Variants in SLC2A5 observed in about 807,000 individuals in gnomAD.
The protein encoded by SLC2A5 is solute carrier family 2, facilitated glucose transporter member 5.
In SLC2A5, 56 loss-of-function variants were observed where a neutral mutation model predicts 50.3. The ratio of observed to expected loss-of-function variants is 1.11; its 90% CI spans 0.90 to 1.39. The LOEUF (loss-of-function observed/expected upper bound fraction) is 1.39. Among genes scored for constraint, SLC2A5 ranks in the 40% most tolerant of loss-of-function variants. SLC2A5 has a pLI of 0.00. For missense variants in SLC2A5, 566 were observed against 650.1 expected, an observed-to-expected ratio of 0.87 and a Z score of 1.41; for synonymous variants, 269 against 281.9, an observed-to-expected ratio of 0.95 and a Z score of 0.46.
At chr1:9,060,570 A>G (rs981716796) in intron 1 of SLC2A5, among the ~76,000 whole-genome samples, 5 of 130,722 alleles carry the variant, frequency 3.8e-5, no homozygotes, top group Non-Finnish European at 8.1e-5. Flanking sequence ...CACCACACAC[A>G]TACACACCCA....
At chr1:9,082,009 G>A (rs1414996023) in intron 2 of SLC2A5, among the ~76,000 whole-genome samples, 1 of 152,262 alleles carries the variant, frequency 6.6e-6, no homozygotes, top group Admixed American at 6.5e-5. Context: ...TTGAACCCAG[G>A]AGGTGGAGGT....
At chr1:9,082,811 G>A (rs1183836365) in intron 2 of SLC2A5, 2 of 423,668 alleles carry the variant, frequency 4.7e-6, no homozygotes, top group African/African-American at 2.2e-5. Context: ...CCTGGGTTTT[G>A]AATTTGCAGT....
rs548103860 is a variant in SLC2A5, at chr1:9,066,236, G to GT, written c.33+3267dup. ...GGGGAACTTTATTCAACAATCCTTT[G>GT]TTTTTTTTTTGAGACAGAATCTCAC... On this transcript the variant is annotated intron_variant, in intron 1 of 11. Coordinates refer to ENST00000377424, the MANE Select transcript of SLC2A5 (RefSeq NM_003039.3). Among the ~76,000 whole-genome samples the GT allele has an allele frequency of 4.7e-3, 695 of 148,678 alleles. 4 individuals are homozygous for GT. The highest frequency in any genetic ancestry group is 7.7e-3 in the Non-Finnish European group (515 of 66,838).
chr1:9,075,852 G>A (rs946218545), intron 2 of SLC2A5, among the ~76,000 whole-genome samples: 2 of 152,048 alleles, frequency 1.3e-5, no homozygotes, highest in Non-Finnish European at 2.9e-5. Flanking sequence ...GTAGAAACGG[G>A]GTTTCACCAT....
chr1:9,058,135 T>C lies in SLC2A5; in HGVS notation c.132+17A>G, dbSNP rs1232911736. 6.3e-7 allele frequency: 1 copy of C among 1,591,824 alleles called. No individual in the cohort carries two copies. Among genetic ancestry groups the C allele is most frequent in the Admixed American group, 1.7e-5 (1 of 59,992 alleles). ...TCCAAACGTCCTCCCCACATCTTGC[T>C]CACCACAGTGACCTACCAGTGCTGG... On this transcript the variant is annotated intron_variant, in intron 2 of 11. Coordinates refer to ENST00000377424, the MANE Select transcript of SLC2A5 (RefSeq NM_003039.3).
At position 9,037,842 on chromosome 1, in the gene SLC2A5, C is replaced by G. The variant is rs901852998; in HGVS notation, c.1303-53G>C. On this transcript the variant is annotated intron_variant, in intron 11 of 11. Coordinates refer to ENST00000377424, the MANE Select transcript of SLC2A5 (RefSeq NM_003039.3). Reference sequence around the variant, plus strand: ...GTGGGACGTGGTTTGCCCAGGGGCTCGCACTGTACTGCATGGGGATCTGGT... The same window carrying G: ...GTGGGACGTGGTTTGCCCAGGGGCTGGCACTGTACTGCATGGGGATCTGGT... The G allele has an allele frequency of 6.8e-6, 11 of 1,613,696 alleles. No individual in the cohort carries two copies. In the Middle Eastern group the frequency reaches 6.6e-4, roughly 96 times the overall value.
chr1:9,093,214 C>T (rs529999994), upstream of SLC2A5, among the ~76,000 whole-genome samples: 10 of 152,128 alleles, frequency 6.6e-5, no homozygotes, highest in Non-Finnish European at 1.2e-4. Flanking sequence ...CAATCCCCAC[C>T]TCACACCTAA....
At chr1:9,068,430 T>G (rs770040) in intron 1 of SLC2A5, among the ~76,000 whole-genome samples, 90,195 of 148,628 alleles carry the variant, frequency 0.61, 27,689 homozygotes, top group East Asian at 0.88. Flanking sequence ...CCTGGGGGCT[T>G]CTACTTCCCA....
intron 4 of SLC2A5, among the ~76,000 whole-genome samples, chr1:9,043,474 G>C (rs1014608357): frequency 6.6e-6 from 1 of 152,144 alleles, no homozygotes; most frequent in African/African-American, 2.4e-5. Context: ...AGGGCAAAGG[G>C]CTGCAGAGGA....
At chr1:9,053,461 ATT>A (rs1205910965) in intron 3 of SLC2A5, among the ~76,000 whole-genome samples, 2 of 38,416 alleles carry the variant, frequency 5.2e-5, no homozygotes, top group South Asian at 5.4e-4. Flanking sequence ...ATTTATATAT[ATT>A]ATATATATTT....
upstream of SLC2A5, chr1:9,071,954 C>T (rs181452167): frequency 0.013 from 2,086 of 162,672 alleles, 47 homozygotes; most frequent in African/African-American, 0.047. Context: ...GCCCGGGTCC[C>T]CCTCAGCCTC....
intron 1 of SLC2A5, among the ~76,000 whole-genome samples, chr1:9,059,444 G>A (rs1641850703): frequency 1.3e-5 from 2 of 151,196 alleles, no homozygotes; most frequent in South Asian, 4.2e-4. Flanking sequence ...CGCCTGGCCA[G>A]AGAGCCCCCT....
intron 1 of SLC2A5, among the ~76,000 whole-genome samples, chr1:9,058,850 GAAGAGCAGGAGACAGAC>G (rs1337339659): frequency 6.6e-6 from 1 of 152,216 alleles, no homozygotes; most frequent in Non-Finnish European, 1.5e-5. Flanking sequence ...CATTAGTAAT[GAAGAGCAGGAGACAGAC>G]ATGGAAAGAG....
chr1:9,041,550 C>T, intron 5 of SLC2A5: 1 of 1,365,620 alleles, frequency 7.3e-7, no homozygotes, highest in Non-Finnish European at 9.5e-7. Context: ...AAAGCCACCT[C>T]ATCCATCTCC....
chr1:9,077,936 A>T (rs1642311662), intron 2 of SLC2A5, among the ~76,000 whole-genome samples: 1 of 152,108 alleles, frequency 6.6e-6, no homozygotes, highest in African/African-American at 2.4e-5. Context: ...AAGTTTATTA[A>T]GAAAGTAAAG....
chr1:9,046,396 A>G (rs890785118), intron 4 of SLC2A5, among the ~76,000 whole-genome samples: 5 of 152,222 alleles, frequency 3.3e-5, no homozygotes, highest in African/African-American at 4.8e-5. Flanking sequence ...TAGGCTTGGA[A>G]GCAACAGAGT....
intron 1 of SLC2A5, among the ~76,000 whole-genome samples, chr1:9,064,777 C>T (rs905433678): frequency 5.3e-5 from 8 of 152,210 alleles, no homozygotes; most frequent in East Asian, 1.9e-4. Flanking sequence ...GTAGGCCAGG[C>T]GCGGTGGCTC....
chr1:9,094,141 C>T, the SLC2A5 span, among the ~76,000 whole-genome samples: 1 of 152,172 alleles, frequency 6.6e-6, no homozygotes, highest in Non-Finnish European at 1.5e-5. Context: ...TTGTTAAGCA[C>T]CCCTCTGACC....
At chr1:9,069,810 T>C (rs1642176505), upstream of SLC2A5, 1 of 433,904 alleles carries the variant, frequency 2.3e-6, no homozygotes, top group Non-Finnish European at 4.2e-6. Flanking sequence ...CAGTCTACGG[T>C]ATTTCCCCAT....
Sources: allele counts gnomAD v4.1 joint callset (sites outside exome capture counted in the v4.1 genomes callset), GRCh38; gene constraint gnomAD v4.1.1; transcripts MANE v1.5; gene names NCBI Gene and HGNC (gene_info 2026-07-23, HGNC 2026-07-21).